The following NEK6 variants were observed in gnomAD, a reference collection of about 807,000 sequenced individuals.
NEK6 encodes the protein serine/threonine-protein kinase Nek6.
A neutral mutation model predicts 43.5 loss-of-function variants in NEK6; 27 were observed. That is an observed-to-expected ratio of 0.62 (90% CI 0.46 to 0.86). The LOEUF (loss-of-function observed/expected upper bound fraction) is 0.86, where lower values mean the gene tolerates loss of function less well. Ranked by LOEUF, NEK6 falls within the 40% of genes least tolerant of loss-of-function variation. The probability of loss-of-function intolerance (pLI) is 0.00; values close to 1 mark genes in which losing one functional copy is unlikely to be tolerated. For synonymous variants in NEK6, 167 were observed against 164.1 expected (o/e 1.02, Z -0.14); for missense variants, 318 against 414.4 (o/e 0.77, Z 2.02).
At chr9:124,292,768 C>T in intron 1 of NEK6, 1 of 1,286,016 alleles carries the variant, frequency 7.8e-7, no homozygotes, top group Non-Finnish European at 1.0e-6. Context: ...CAACCAGTTA[C>T]CCAGCCTCTC....
At chr9:124,303,039 G>GA (rs1293951383) in intron 2 of NEK6, among the ~76,000 whole-genome samples, 1 of 152,232 alleles carries the variant, frequency 6.6e-6, no homozygotes, top group East Asian at 1.9e-4. Context: ...ATAAGGAGCT[G>GA]AGCAGAAGAA....
chr9:124,312,402 C>T, intron 2 of NEK6, 107 bp from the exon 3 acceptor site: 1 of 1,305,152 alleles, frequency 7.7e-7, no homozygotes, highest in Non-Finnish European at 1.0e-6. Flanking sequence ...AGCAGAGTCC[C>T]TCCTTCACCT....
intron 7 of NEK6, among the ~76,000 whole-genome samples, chr9:124,332,299 A>G (rs1430406650): frequency 2.0e-5 from 3 of 152,196 alleles, no homozygotes; most frequent in Non-Finnish European, 4.4e-5. Flanking sequence ...TTCACCATGA[A>G]CCAAACACTC....
intron 1 of NEK6, among the ~76,000 whole-genome samples, chr9:124,274,289 G>A (rs75680639): frequency 0.02 from 3,061 of 152,354 alleles, 110 homozygotes; most frequent in Non-Finnish European, 0.021. Flanking sequence ...AGATGTGAAC[G>A]GGGCTTGACA....
At chr9:124,333,773 CTTT>C (rs148074227) in intron 7 of NEK6, among the ~76,000 whole-genome samples, 2 of 120,016 alleles carry the variant, frequency 1.7e-5, no homozygotes, top group Non-Finnish European at 1.7e-5. Flanking sequence ...CATTTCAGTC[CTTT>C]TTTTTTTTTT....
chr9:124,292,662 A>G, intron 1 of NEK6: 1 of 1,329,404 alleles, frequency 7.5e-7, no homozygotes, highest in Non-Finnish European at 1.0e-6. Flanking sequence ...CCTTCCCTTA[A>G]GCCCCAGCCT....
rs1331048494 is a variant in NEK6 at position 124,275,992 on chromosome 9, G to A, written c.-30+17907G>A. The stretch of plus-strand genomic sequence containing the variant: ...TTAGGTTTGATCCTGCGGGAGGTGG[G>A]TGTTTGGAAAGGTTTTGAGCAGGGG... On this transcript the variant is annotated intron_variant, in intron 1 of 9. Coordinates refer to ENST00000320246, the MANE Select transcript of NEK6 (RefSeq NM_014397.6). This position sits in a 1 kb window ranked among gnomAD's most constrained non-coding sequence, Gnocchi z 4.4. 1.3e-5 allele frequency among the ~76,000 whole-genome samples: 2 copies of A among 152,224 alleles called. No individual in the cohort carries two copies. The highest frequency in any genetic ancestry group is 4.8e-5 in the African/African-American group (2 of 41,456).
intron 5 of NEK6, among the ~76,000 whole-genome samples, chr9:124,322,020 A>G (rs1834090399): frequency 6.6e-6 from 1 of 152,210 alleles, no homozygotes; most frequent in Non-Finnish European, 1.5e-5. Flanking sequence ...TTGGGAAAGC[A>G]TCTTGTAGAT....
At chr9:124,345,672 C>T (rs1011315990) in intron 8 of NEK6, among the ~76,000 whole-genome samples, 1 of 152,116 alleles carries the variant, frequency 6.6e-6, no homozygotes, top group Non-Finnish European at 1.5e-5. Flanking sequence ...CCAGGGCCTG[C>T]GTTCACAGGA....
chr9:124,276,383 C>CT (rs1236520862), intron 1 of NEK6, among the ~76,000 whole-genome samples: 1 of 152,198 alleles, frequency 6.6e-6, no homozygotes, highest in Non-Finnish European at 1.5e-5. Flanking sequence ...TGACTCTCCT[C>CT]TGACCCTGGC....
Position 124,335,739 on chromosome 9 carries a change from C to A in NEK6, c.623-3832C>A, listed in dbSNP as rs138123225. Among the ~76,000 whole-genome samples the A allele has an allele frequency of 8.3e-4, 127 of 152,340 alleles. 3 individuals carry two copies. The East Asian group carries it at 0.022, about 27-fold the overall frequency. On this transcript the variant is annotated intron_variant, in intron 7 of 9. Coordinates refer to ENST00000320246, the MANE Select transcript of NEK6 (RefSeq NM_014397.6). ...AAGTCCTGCCCCTGGGAGTTGACAG[C>A]CCAGATCAGAGATTTCCAACACCAT...
chr9:124,283,304 C>G (rs529188851), intron 1 of NEK6, among the ~76,000 whole-genome samples: 1 of 152,320 alleles, frequency 6.6e-6, no homozygotes, highest in Non-Finnish European at 1.5e-5. Context: ...AAATTTCATG[C>G]CACTCCTGCG....
intron 1 of NEK6, among the ~76,000 whole-genome samples, chr9:124,288,273 G>A (rs1237739253): frequency 1.3e-5 from 2 of 152,116 alleles, no homozygotes; most frequent in African/African-American, 4.8e-5. Flanking sequence ...CACATTGATT[G>A]ATTGATTGAT....
At chr9:124,335,797 TCATC>T (rs1308106153) in intron 7 of NEK6, among the ~76,000 whole-genome samples, 1 of 152,234 alleles carries the variant, frequency 6.6e-6, no homozygotes, top group East Asian at 1.9e-4. Flanking sequence ...AGGTAGTTCT[TCATC>T]CATCTCCATT....
intron 9 of NEK6, among the ~76,000 whole-genome samples, chr9:124,348,521 C>G (rs558098226): frequency 1.3e-5 from 2 of 152,158 alleles, no homozygotes; most frequent in Non-Finnish European, 2.9e-5. Context: ...TTCACACACT[C>G]TCTGCACTGT....
Position 124,326,230 on chromosome 9 carries a change from A to C in NEK6, c.406-100A>C. 15 of 149,630 alleles carry C rather than the reference A, an allele frequency of 1.0e-4. No homozygotes were observed. The highest frequency in any genetic ancestry group is 2.6e-4 in the East Asian group (3 of 11,478). The allele number at this position is 149,630 out of a possible 1,614,324, so 9.3% of individuals were successfully genotyped here. A position where few individuals can be genotyped will look rare whatever the true frequency, so the allele number is the denominator to read the frequency against. Reference sequence around the variant, plus strand: ...CCCCCCCCCGCCCCTGCCAGGCACCAGTTACCCACTGGGGAAAGGACAGAG... The same window carrying C: ...CCCCCCCCCGCCCCTGCCAGGCACCCGTTACCCACTGGGGAAAGGACAGAG... On this transcript the variant is annotated intron_variant, in intron 5 of 9. Transcript: ENST00000320246. The surrounding 1 kb of genome is among the most constrained non-coding windows in gnomAD (Gnocchi z 4.5).
rs1245906903 is a variant in NEK6, at chr9:124,343,112, G to C, written c.717+3447G>C. On this transcript the variant is annotated intron_variant, in intron 8 of 9. Coordinates refer to ENST00000320246, the MANE Select transcript of NEK6 (RefSeq NM_014397.6). The surrounding 1 kb of genome is among the most constrained non-coding windows in gnomAD (Gnocchi z 5.1). ...GGGCACCTAAATGTGCATCTCACAAGGCAGTCCCGCCTTCGTGACTCCCTG... is the reference window on the plus strand; with the variant it reads ...GGGCACCTAAATGTGCATCTCACAACGCAGTCCCGCCTTCGTGACTCCCTG... Among the ~76,000 whole-genome samples the C allele has an allele frequency of 6.6e-6, 1 of 152,170 alleles. No individual in the cohort carries two copies. The highest frequency in any genetic ancestry group is 1.5e-5 in the Non-Finnish European group (1 of 68,014).
intron 2 of NEK6, among the ~76,000 whole-genome samples, chr9:124,304,494 G>A (rs529777881): frequency 4.6e-5 from 7 of 152,270 alleles, no homozygotes; most frequent in East Asian, 1.9e-4. Context: ...TAATAATGCC[G>A]CTTCCCTCAT....
chr9:124,258,725 C>G (rs1012335173), intron 1 of NEK6, among the ~76,000 whole-genome samples: 3 of 152,158 alleles, frequency 2.0e-5, no homozygotes, highest in Admixed American at 6.5e-5. Context: ...CGGGGCTGGG[C>G]CTGATCCGGT....
Sources: gnomAD v4.1 joint callset for allele counts (sites outside exome capture counted in the v4.1 genomes callset) on GRCh38, gnomAD v4.1.1 for gene constraint, Gnocchi (gnomAD v3.1) non-coding constraint, MANE v1.5 for transcripts, NCBI Gene and HGNC (gene_info 2026-07-23, HGNC 2026-07-21) for gene names.